METTL15: variants seen among roughly 807,000 people sequenced by gnomAD.
The protein encoded by METTL15 is methyltransferase 15, mitochondrial 12S rRNA N4-cytidine.
In METTL15, 34 loss-of-function variants were observed where a neutral mutation model predicts 38.3. The observed-to-expected ratio is 0.89, with a 90% CI of 0.68 to 1.18. The LOEUF (loss-of-function observed/expected upper bound fraction) is 1.18, where lower values mean the gene tolerates loss of function less well. Ranked by LOEUF, METTL15 falls within the 50% of genes most tolerant of loss-of-function variation. METTL15 has a pLI of 0.00. For synonymous variants in METTL15, 162 were observed against 170.9 expected (o/e 0.95, Z 0.41); for missense variants, 438 against 498.4 (o/e 0.88, Z 1.15).
At chr11:28,172,014 T>C (rs1264762476) in intron 3 of METTL15, among the ~76,000 whole-genome samples, 2 of 152,228 alleles carry the variant, frequency 1.3e-5, no homozygotes, top group Middle Eastern at 3.4e-3. Context: ...TTGCCTAGGC[T>C]GGCCTCAAAC....
chr11:28,206,363 G>A (rs1398516041), intron 3 of METTL15, among the ~76,000 whole-genome samples: 1 of 152,044 alleles, frequency 6.6e-6, no homozygotes, highest in Admixed American at 6.6e-5. Flanking sequence ...ATTAAATGGG[G>A]AATCCTTTCC....
intron 6 of METTL15, among the ~76,000 whole-genome samples, chr11:28,511,109 T>G (rs1851670087): frequency 6.6e-6 from 1 of 152,180 alleles, no homozygotes; most frequent in African/African-American, 2.4e-5. Context: ...TATATACACA[T>G]GTACGCACTC....
intron 6 of METTL15, among the ~76,000 whole-genome samples, chr11:28,424,668 A>T (rs1180328452): frequency 6.6e-6 from 1 of 152,196 alleles, no homozygotes; most frequent in African/African-American, 2.4e-5. Flanking sequence ...CTGTGCTTTA[A>T]ATGGGCTTGT....
chr11:28,165,821 A>G (rs1479257233), intron 3 of METTL15, among the ~76,000 whole-genome samples: 1 of 151,900 alleles, frequency 6.6e-6, no homozygotes, highest in Non-Finnish European at 1.5e-5. Flanking sequence ...TTGTGACTTG[A>G]TTTTTGCATA....
At chr11:28,160,063 G>T (rs1256263644) in intron 3 of METTL15, among the ~76,000 whole-genome samples, 2 of 152,030 alleles carry the variant, frequency 1.3e-5, no homozygotes, top group African/African-American at 4.8e-5. Flanking sequence ...AGCATGGCTA[G>T]AATAAAAGAG....
At chr11:28,373,683 G>C (rs1457285506) in intron 5 of METTL15, among the ~76,000 whole-genome samples, 6 of 152,154 alleles carry the variant, frequency 3.9e-5, no homozygotes, top group African/African-American at 1.4e-4. Context: ...AATCCCATTT[G>C]TCAATTTTGG....
chr11:28,340,728 G>A (rs1413080859), intron 3 of METTL15, among the ~76,000 whole-genome samples: 2 of 152,114 alleles, frequency 1.3e-5, no homozygotes, highest in African/African-American at 2.4e-5. Context: ...TGGTGGGAGT[G>A]TAAATTAGTT....
chr11:28,418,913 C>G (rs1467700808), intron 5 of METTL15, among the ~76,000 whole-genome samples: 2 of 152,174 alleles, frequency 1.3e-5, no homozygotes, highest in Non-Finnish European at 2.9e-5. Context: ...GTGGTCAGAA[C>G]TTAAGTTTCA....
rs535183424 is a variant in METTL15 at position 28,388,813 on chromosome 11, T to C, written c.*358+26777T>C. Among the ~76,000 whole-genome samples, 376 of 152,206 alleles carry C rather than the reference T, an allele frequency of 2.5e-3. 1 individual carries two copies. Among genetic ancestry groups the C allele is most frequent in the Non-Finnish European group, 4.9e-3 (333 of 68,008 alleles). Reference sequence around the variant, plus strand: ...GTCGTTTAACATTAGGTATATCTCCTAATGCTATCCCTCCCCCCTACACCC... The same window carrying C: ...GTCGTTTAACATTAGGTATATCTCCCAATGCTATCCCTCCCCCCTACACCC... On this transcript the variant is annotated intron_variant and NMD_transcript_variant, in intron 5 of 7. Coordinates refer to the METTL15 transcript ENST00000532947.
chr11:28,129,497 C>T (rs1852662592), intron 3 of METTL15, among the ~76,000 whole-genome samples: 1 of 151,854 alleles, frequency 6.6e-6, no homozygotes, highest in Non-Finnish European at 1.5e-5. Context: ...GCAACCTCCT[C>T]CTCCCAGGTT....
At chr11:28,224,565 G>A (rs1047040835) in intron 4 of METTL15, among the ~76,000 whole-genome samples, 6 of 151,780 alleles carry the variant, frequency 4.0e-5, no homozygotes, top group African/African-American at 1.4e-4. Context: ...ATACATGGAT[G>A]TATATTTTCC....
chr11:28,447,483 A>G (rs1398101609), intron 6 of METTL15, among the ~76,000 whole-genome samples: 1 of 152,154 alleles, frequency 6.6e-6, no homozygotes. Flanking sequence ...CTGGTGATAA[A>G]GTATTGAATA....
At chr11:28,254,535 G>C (rs1286976702) in intron 4 of METTL15, among the ~76,000 whole-genome samples, 1 of 152,028 alleles carries the variant, frequency 6.6e-6, no homozygotes, top group Admixed American at 6.6e-5. Context: ...TGCTTGTGAG[G>C]TATTACTTAA....
chr11:28,373,937 G>T (rs1022797256), intron 5 of METTL15, among the ~76,000 whole-genome samples: 4 of 152,212 alleles, frequency 2.6e-5, no homozygotes, highest in East Asian at 1.9e-4. Flanking sequence ...TTTCCCCATT[G>T]CTTGTTTTTG....
chr11:28,448,588 CT>C (rs1374254760), intron 6 of METTL15, among the ~76,000 whole-genome samples: 1 of 152,144 alleles, frequency 6.6e-6, no homozygotes, highest in East Asian at 1.9e-4. Flanking sequence ...CCAATCTCAT[CT>C]TGCTTTTATT....
chr11:28,294,270 T>C (rs1856643247), intron 5 of METTL15, among the ~76,000 whole-genome samples: 1 of 152,128 alleles, frequency 6.6e-6, no homozygotes, highest in Non-Finnish European at 1.5e-5. Flanking sequence ...CATGAATTCA[T>C]TGAAAAAGAA....
intron 3 of METTL15, among the ~76,000 whole-genome samples, chr11:28,189,509 A>G (rs1333264165): frequency 6.6e-6 from 1 of 151,336 alleles, no homozygotes; most frequent in African/African-American, 2.4e-5. Flanking sequence ...AACTTCTTGT[A>G]GCATTTTTTC....
intron 6 of METTL15, among the ~76,000 whole-genome samples, chr11:28,510,513 A>ATAATATAAT (rs1420334299): frequency 1.3e-5 from 2 of 152,182 alleles, no homozygotes; most frequent in Non-Finnish European, 2.9e-5. Flanking sequence ...AATAATCATA[A>ATAATATAAT]CAGTAATAAA....
chr11:28,286,042 A>G (rs1856250084), intron 4 of METTL15, among the ~76,000 whole-genome samples: 1 of 152,142 alleles, frequency 6.6e-6, no homozygotes, highest in Admixed American at 6.6e-5. Context: ...AGAAGTAGAT[A>G]AATATATATA....
Sources: allele counts gnomAD v4.1 joint callset (sites outside exome capture counted in the v4.1 genomes callset), GRCh38; gene constraint gnomAD v4.1.1; transcripts MANE v1.5; gene names NCBI Gene and HGNC (gene_info 2026-07-23, HGNC 2026-07-21).